Variants in RAMP1 observed in about 807,000 individuals in gnomAD.
RAMP1 encodes receptor activity modifying protein 1.
Under a neutral mutation model 8.2 loss-of-function variants are expected in RAMP1, and 7 were observed. The observed-to-expected ratio is 0.85, with a 90% confidence interval of 0.49 to 1.60. The LOEUF is 1.60. Ranked by LOEUF, RAMP1 falls within the 40% of genes most tolerant of loss-of-function variation. The pLI is 0.00. For synonymous variants in RAMP1, 92 were observed against 84.7 expected (o/e 1.09, Z -0.47); for missense variants, 192 against 202.4 (o/e 0.95, Z 0.31).
rs146834149 is a variant in RAMP1 at position 237,903,758 on chromosome 2, G to A, written c.192-7770G>A. On this transcript the variant is annotated intron_variant, in intron 2 of 2. Coordinates refer to ENST00000254661, the MANE Select transcript of RAMP1 (RefSeq NM_005855.4). ...CACCCAGGCTGGAGTGCAGTGGTGC[G>A]ATCTCCGCTCGCTGCAACCTCCACC... is the stretch of plus-strand genomic sequence containing the variant. Among the ~76,000 whole-genome samples the A allele has an allele frequency of 6.9e-3, 1,051 of 152,236 alleles. 13 individuals carry two copies. Among genetic ancestry groups the A allele is most frequent in the African/African-American group, 0.023 (975 of 41,526 alleles).
intron 1 of RAMP1, among the ~76,000 whole-genome samples, chr2:237,871,090 C>T (rs970613043): frequency 3.3e-5 from 5 of 152,200 alleles, no homozygotes; most frequent in South Asian, 2.1e-4. Flanking sequence ...CCCTGGCCCA[C>T]GGCCCCGAGG....
Position 237,911,823 on chromosome 2 carries a change from G to A in RAMP1, c.*40G>A. 1.3e-6 allele frequency: 2 copies of A among 1,552,006 alleles called. No homozygotes were observed. The highest frequency in any genetic ancestry group is 1.7e-6 in the Non-Finnish European group (2 of 1,145,864). On this transcript the variant is annotated 3_prime_UTR_variant, in exon 3 of 3. Coordinates refer to ENST00000254661, the MANE Select transcript of RAMP1 (RefSeq NM_005855.4). ...GCCCGCGGGTGCACCCAGGCTGCAGGGTGAGGCCAGGCAGGCCTGGGTAGG... is the reference window on the plus strand; with the variant it reads ...GCCCGCGGGTGCACCCAGGCTGCAGAGTGAGGCCAGGCAGGCCTGGGTAGG...
At chr2:237,870,575 A>AGT (rs2062235416) in intron 1 of RAMP1, among the ~76,000 whole-genome samples, 1 of 152,238 alleles carries the variant, frequency 6.6e-6, no homozygotes, top group Admixed American at 6.5e-5. Flanking sequence ...GTAGACAGTC[A>AGT]GTTTTTAGTT....
chr2:237,903,734 A>G (rs541908735), intron 2 of RAMP1, among the ~76,000 whole-genome samples: 3 of 151,622 alleles, frequency 2.0e-5, no homozygotes, highest in East Asian at 1.9e-4. Context: ...TCGCTCTGTC[A>G]CCCAGGCTGG....
chr2:237,896,886 C>T (rs2062547741), intron 2 of RAMP1, among the ~76,000 whole-genome samples: 1 of 152,166 alleles, frequency 6.6e-6, no homozygotes, highest in South Asian at 2.1e-4. Context: ...TGGGCTCAAG[C>T]GATCCTCCTG....
At position 237,862,553 on chromosome 2, in the gene RAMP1, C is replaced by T. The variant is rs559408348; in HGVS notation, c.52+2826C>T. 6.6e-6 allele frequency among the ~76,000 whole-genome samples: 1 copy of T among 152,336 alleles called. No homozygotes were observed. The highest frequency in any genetic ancestry group is 2.1e-4 in the South Asian group (1 of 4,830). ...TCCTGATTTTTTTCCCCAGAATGCG[C>T]CCATTTCATAGCTTCTAATCAGTTA... On this transcript the variant is annotated intron_variant, in intron 1 of 2. Transcript: ENST00000254661. The surrounding 1 kb of genome is among the most constrained non-coding windows in gnomAD (Gnocchi z 4.0).
Position 237,877,973 on chromosome 2 carries a change from C to G in RAMP1, c.191+611C>G. 1.0e-6 allele frequency: 1 copy of G among 985,406 alleles called. No individual in the cohort carries two copies. The highest frequency in any genetic ancestry group is 1.2e-6 in the Non-Finnish European group (1 of 829,894). The allele number at this position is 985,406 out of a possible 1,614,324, so 61.0% of individuals were successfully genotyped here. The stretch of plus-strand genomic sequence containing the variant: ...GGGTGCTGGGCCCCCATCAGCAGGC[C>G]GGGGGGTTCTCCCCAGCAGGCCCAG... On this transcript the variant is annotated intron_variant, in intron 2 of 2. Coordinates refer to ENST00000254661, the MANE Select transcript of RAMP1 (RefSeq NM_005855.4). The surrounding 1 kb of genome is among the most constrained non-coding windows in gnomAD (Gnocchi z 4.4).
At chr2:237,873,970 G>A (rs1262827652) in intron 1 of RAMP1, among the ~76,000 whole-genome samples, 7 of 152,246 alleles carry the variant, frequency 4.6e-5, no homozygotes, top group Non-Finnish European at 1.0e-4. Context: ...GCACTGGTCA[G>A]GGAGGGCTCT....
chr2:237,900,144 GT>G (rs1369897102), intron 2 of RAMP1, among the ~76,000 whole-genome samples: 1 of 151,896 alleles, frequency 6.6e-6, no homozygotes, highest in Non-Finnish European at 1.5e-5. Flanking sequence ...TTTCTTTTCT[GT>G]TTTTTGTTTT....
At chr2:237,911,089 T>TAGTCACACAC (rs1559178938) in intron 2 of RAMP1, among the ~76,000 whole-genome samples, 1 of 149,614 alleles carries the variant, frequency 6.7e-6, no homozygotes, top group Non-Finnish European at 1.5e-5. Flanking sequence ...CAGTTACACA[T>TAGTCACACAC]AGTCACACAC....
chr2:237,895,224 C>G (rs1422274946), intron 2 of RAMP1, among the ~76,000 whole-genome samples: 1 of 152,146 alleles, frequency 6.6e-6, no homozygotes. Flanking sequence ...GGGCTCCCAT[C>G]CAAAGGCAGG....
In RAMP1 at chr2:237,865,125, G is replaced by A. The variant is rs1410826506; in HGVS notation, c.52+5398G>A. On this transcript the variant is annotated intron_variant, in intron 1 of 2. Transcript: ENST00000254661. The surrounding 1 kb of genome is among the most constrained non-coding windows in gnomAD (Gnocchi z 4.2). ...GCCAGGCAAGGATAGGAGTGGGAGGGTTCCAGGGAGTCCTGGAGGCGAAAG... is the reference window on the plus strand; with the variant it reads ...GCCAGGCAAGGATAGGAGTGGGAGGATTCCAGGGAGTCCTGGAGGCGAAAG... 6.6e-6 allele frequency among the ~76,000 whole-genome samples: 1 copy of A among 152,082 alleles called. No individual in the cohort carries two copies. Among genetic ancestry groups the A allele is most frequent in the Non-Finnish European group, 1.5e-5 (1 of 68,008 alleles).
chr2:237,894,610 T>A (rs2062519997), intron 2 of RAMP1, among the ~76,000 whole-genome samples: 1 of 152,158 alleles, frequency 6.6e-6, no homozygotes, highest in African/African-American at 2.4e-5. Context: ...GAGACCCCCC[T>A]GCCACCCCTC....
Position 237,878,429 on chromosome 2 carries a change from C to A in RAMP1, c.191+1067C>A, listed in dbSNP as rs1272148167. 1.3e-5 allele frequency among the ~76,000 whole-genome samples: 2 copies of A among 152,244 alleles called. No homozygotes were observed. Among genetic ancestry groups the A allele is most frequent in the Non-Finnish European group, 2.9e-5 (2 of 68,044 alleles). On this transcript the variant is annotated intron_variant, in intron 2 of 2. Coordinates refer to ENST00000254661, the MANE Select transcript of RAMP1 (RefSeq NM_005855.4). This position sits in a 1 kb window ranked among gnomAD's most constrained non-coding sequence, Gnocchi z 5.7. ...GGGCACAATTCTGTGGGGTTGAAGACCCCTAGTTGGACTCGTCACCCCTCC... is the reference window on the plus strand; with the variant it reads ...GGGCACAATTCTGTGGGGTTGAAGAACCCTAGTTGGACTCGTCACCCCTCC...
At chr2:237,866,879 C>T (rs2062192666) in intron 1 of RAMP1, among the ~76,000 whole-genome samples, 1 of 152,088 alleles carries the variant, frequency 6.6e-6, no homozygotes, top group South Asian at 2.1e-4. Context: ...TAGGTGCCCG[C>T]TACCATGCCC....
At chr2:237,901,361 A>G (rs972808381) in intron 2 of RAMP1, among the ~76,000 whole-genome samples, 1 of 152,234 alleles carries the variant, frequency 6.6e-6, no homozygotes, top group African/African-American at 2.4e-5. Context: ...ACATGAGTTC[A>G]TGGACAGCCA....
intron 2 of RAMP1, among the ~76,000 whole-genome samples, chr2:237,900,370 C>T (rs757497396): frequency 7.9e-5 from 12 of 152,056 alleles, no homozygotes; most frequent in African/African-American, 2.2e-4. Flanking sequence ...CATGCTGCCC[C>T]GGCTGGTCTT....
intron 1 of RAMP1, among the ~76,000 whole-genome samples, chr2:237,866,698 T>G (rs1051058722): frequency 9.2e-5 from 14 of 152,150 alleles, no homozygotes; most frequent in Non-Finnish European, 2.1e-4. Flanking sequence ...ACCCATATTT[T>G]GTATGTTACA....
chr2:237,909,765 T>C (rs1420938659), intron 2 of RAMP1, among the ~76,000 whole-genome samples: 1 of 152,146 alleles, frequency 6.6e-6, no homozygotes, highest in Admixed American at 6.5e-5. Context: ...TCCTGTGGCC[T>C]ACAAACCCAC....
Sources: allele counts gnomAD v4.1 joint callset (sites outside exome capture counted in the v4.1 genomes callset), GRCh38; gene constraint gnomAD v4.1.1; non-coding constraint Gnocchi (gnomAD v3.1); transcripts MANE v1.5; gene names NCBI Gene and HGNC (gene_info 2026-07-23, HGNC 2026-07-21).